The following LUZP2 variants were observed in gnomAD, a reference collection of about 807,000 sequenced individuals.
LUZP2 encodes the protein leucine zipper protein 2.
Under a neutral mutation model 51.6 loss-of-function variants are expected in LUZP2, and 52 were observed. The observed-to-expected ratio is 1.01, with a 90% CI of 0.81 to 1.27. The LOEUF (loss-of-function observed/expected upper bound fraction) is 1.27. LUZP2 is among the 50% of genes most tolerant of loss of function. The probability of loss-of-function intolerance (pLI) is 0.00; values close to 1 mark genes in which losing one functional copy is unlikely to be tolerated. For missense variants in LUZP2, 436 were observed against 395.4 expected, an observed-to-expected ratio of 1.10 and a Z score of -0.87; for synonymous variants, 154 against 137.3, an observed-to-expected ratio of 1.12 and a Z score of -0.85.
intron 7 of LUZP2, among the ~76,000 whole-genome samples, chr11:24,940,585 A>G (rs1481407422): frequency 6.6e-6 from 1 of 152,192 alleles, no homozygotes; most frequent in African/African-American, 2.4e-5. Flanking sequence ...TCTATGTTAT[A>G]CAGTCATTTT....
intron 5 of LUZP2, among the ~76,000 whole-genome samples, chr11:24,857,617 T>C (rs376269456): frequency 6.6e-6 from 1 of 151,838 alleles, no homozygotes; most frequent in South Asian, 2.1e-4. Context: ...TGCTAATATA[T>C]GTAAAACACT....
At chr11:24,910,866 C>T (rs1157587741) in intron 6 of LUZP2, among the ~76,000 whole-genome samples, 2 of 152,146 alleles carry the variant, frequency 1.3e-5, no homozygotes, top group Non-Finnish European at 2.9e-5. Flanking sequence ...CGACAACTTG[C>T]ACCGTGCACC....
At chr11:24,583,945 C>A (rs929239677) in intron 1 of LUZP2, among the ~76,000 whole-genome samples, 1 of 151,754 alleles carries the variant, frequency 6.6e-6, no homozygotes, top group Non-Finnish European at 1.5e-5. Flanking sequence ...ATCTCCTGAC[C>A]TTGTGATCCG....
At chr11:24,607,230 G>T (rs1194313302) in intron 1 of LUZP2, among the ~76,000 whole-genome samples, 1 of 150,292 alleles carries the variant, frequency 6.7e-6, no homozygotes, top group Admixed American at 6.6e-5. Context: ...ATGTTAAGTA[G>T]CTTTTCTCCT....
intron 5 of LUZP2, among the ~76,000 whole-genome samples, chr11:24,788,791 T>C (rs1849322380): frequency 6.6e-6 from 1 of 152,250 alleles, no homozygotes; most frequent in East Asian, 1.9e-4. Flanking sequence ...GTGCATCTGC[T>C]GCTGAATTCC....
intron 1 of LUZP2, among the ~76,000 whole-genome samples, chr11:24,697,703 T>C (rs986170394): frequency 2.0e-5 from 3 of 152,226 alleles, no homozygotes; most frequent in Non-Finnish European, 4.4e-5. Context: ...ATTCTGCTAA[T>C]GCAGTTAAGC....
intron 7 of LUZP2, among the ~76,000 whole-genome samples, chr11:24,935,007 A>T (rs368991178): frequency 7.9e-5 from 12 of 152,354 alleles, no homozygotes; most frequent in African/African-American, 2.9e-4. Context: ...TTTGTAGAGC[A>T]GTATATGTAA....
rs532909704 is a variant in LUZP2, at chr11:24,837,375, T to G, written c.397-68616T>G. Among the ~76,000 whole-genome samples the G allele has an allele frequency of 1.4e-3, 210 of 151,714 alleles. 1 individual carries two copies. Among genetic ancestry groups the G allele is most frequent in the African/African-American group, 4.9e-3 (205 of 41,520 alleles). On this transcript the variant is annotated intron_variant, in intron 5 of 11. Coordinates refer to ENST00000336930, the MANE Select transcript of LUZP2 (RefSeq NM_001009909.4). ...GCCTCTGAACAGATAGAACCCAATA[T>G]GAACCTTCAATTTTTTTTTTCACTG...
In LUZP2 at chr11:24,665,582, C is replaced by A. The variant is rs370211650; in HGVS notation, c.63-63587C>A. Reference sequence around the variant, plus strand: ...TAATCCCCAAATGTCATGGGAGGGACCTGGTAATTGAATCATGGGGGCATT... The same window carrying A: ...TAATCCCCAAATGTCATGGGAGGGAACTGGTAATTGAATCATGGGGGCATT... On this transcript the variant is annotated intron_variant, in intron 1 of 11. Coordinates refer to ENST00000336930, the MANE Select transcript of LUZP2 (RefSeq NM_001009909.4). Among the ~76,000 whole-genome samples the A allele has an allele frequency of 5.3e-5, 8 of 152,182 alleles. No homozygotes were observed. In the East Asian group the frequency reaches 9.7e-4, roughly 18 times the overall value.
At chr11:24,683,370 G>A (rs1856805828) in intron 1 of LUZP2, among the ~76,000 whole-genome samples, 1 of 152,046 alleles carries the variant, frequency 6.6e-6, no homozygotes, top group Non-Finnish European at 1.5e-5. Context: ...TGATTTAGGG[G>A]GCTTCTTTAT....
At chr11:25,059,521 A>C (rs1301641773) in intron 10 of LUZP2, among the ~76,000 whole-genome samples, 2 of 152,198 alleles carry the variant, frequency 1.3e-5, no homozygotes, top group Admixed American at 6.5e-5. Context: ...GGATATCTGC[A>C]CTGAAGTCAA....
chr11:24,971,227 G>A (rs1233636093), intron 7 of LUZP2, among the ~76,000 whole-genome samples: 1 of 152,110 alleles, frequency 6.6e-6, no homozygotes, highest in African/African-American at 2.4e-5. Context: ...TGGGGTCGGG[G>A]AGGGGTTTCA....
intron 5 of LUZP2, among the ~76,000 whole-genome samples, chr11:24,818,054 A>G (rs1453869447): frequency 2.6e-5 from 4 of 152,108 alleles, no homozygotes; most frequent in African/African-American, 9.7e-5. Flanking sequence ...AGGCTAGAAA[A>G]TTCTCCAAGC....
chr11:24,939,873 G>A (rs1348657639), intron 7 of LUZP2, among the ~76,000 whole-genome samples: 7 of 152,124 alleles, frequency 4.6e-5, no homozygotes, highest in Admixed American at 3.3e-4. Flanking sequence ...TTGTAAATAT[G>A]GACATCACCT....
intron 5 of LUZP2, chr11:24,785,797 AC>A (rs1380592125): frequency 1.1e-6 from 1 of 893,986 alleles, no homozygotes; most frequent in Admixed American, 6.2e-5. Flanking sequence ...CATTTAGCCC[AC>A]ACTTCTCCTT....
At chr11:24,515,297 C>T (rs1409357468) in intron 1 of LUZP2, among the ~76,000 whole-genome samples, 2 of 152,132 alleles carry the variant, frequency 1.3e-5, no homozygotes, top group Non-Finnish European at 2.9e-5. Flanking sequence ...AACTTACTCT[C>T]TTCCTACAGA....
At chr11:25,063,569 T>A (rs1858911871) in intron 10 of LUZP2, among the ~76,000 whole-genome samples, 1 of 151,860 alleles carries the variant, frequency 6.6e-6, no homozygotes, top group African/African-American at 2.4e-5. Flanking sequence ...AGTTTATCAT[T>A]TTAATTCTTA....
intron 9 of LUZP2, among the ~76,000 whole-genome samples, chr11:25,000,520 C>T (rs1347100311): frequency 6.6e-6 from 1 of 152,080 alleles, no homozygotes; most frequent in Non-Finnish European, 1.5e-5. Context: ...AGCTTGATGC[C>T]CTCAATTCTG....
chr11:24,773,569 C>T (rs1274301787), intron 5 of LUZP2, among the ~76,000 whole-genome samples: 2 of 150,950 alleles, frequency 1.3e-5, no homozygotes, highest in Non-Finnish European at 2.9e-5. Context: ...AAGAATGAGC[C>T]ATCAGCAGCC....
Sources: gnomAD v4.1 joint callset for allele counts (sites outside exome capture counted in the v4.1 genomes callset) on GRCh38, gnomAD v4.1.1 for gene constraint, MANE v1.5 for transcripts, NCBI Gene and HGNC (gene_info 2026-07-23, HGNC 2026-07-21) for gene names.